INHBC: variants seen among roughly 807,000 people sequenced by gnomAD.
INHBC encodes the protein inhibin beta C chain.
A neutral mutation model predicts 12.4 loss-of-function variants in INHBC; 10 were observed. The observed-to-expected ratio is 0.81, with a 90% CI of 0.50 to 1.37. INHBC has a LOEUF of 1.37. Among genes scored for constraint, INHBC ranks in the 40% most tolerant of loss-of-function variants. The pLI, the probability that INHBC is intolerant of heterozygous loss-of-function variation, is 0.00. For missense variants in INHBC, 382 were observed against 439.4 expected (o/e 0.87, Z 1.17); for synonymous variants, 147 against 171.6 (o/e 0.86, Z 1.12).
At chr12:57,448,984 G>C (rs1320266909) in intron 1 of INHBC, among the ~76,000 whole-genome samples, 1 of 152,114 alleles carries the variant, frequency 6.6e-6, no homozygotes, top group Non-Finnish European at 1.5e-5. Flanking sequence ...GCAAAGAGAG[G>C]GTGGGGCTGA....
chr12:57,435,270 C>T, intron 1 of INHBC, 71 bp downstream of exon 1: 4 of 1,404,624 alleles, frequency 2.8e-6, no homozygotes, highest in Non-Finnish European at 3.9e-6. Flanking sequence ...CCTCGCCAGA[C>T]TTACCTCTGA....
chr12:57,435,276 T>G, intron 1 of INHBC, 77 bp downstream of exon 1: 1 of 1,349,140 alleles, frequency 7.4e-7, no homozygotes, highest in Non-Finnish European at 1.0e-6. Context: ...CAGACTTACC[T>G]CTGACTCCTT....
chr12:57,447,160 G>A (rs1040524613), intron 1 of INHBC, among the ~76,000 whole-genome samples: 1 of 152,066 alleles, frequency 6.6e-6, no homozygotes, highest in Non-Finnish European at 1.5e-5. Flanking sequence ...GGTATAGGGG[G>A]AATGAAGAAA....
chr12:57,438,613 G>A (rs973588627), intron 1 of INHBC, among the ~76,000 whole-genome samples: 4 of 152,184 alleles, frequency 2.6e-5, no homozygotes, highest in African/African-American at 9.7e-5. Flanking sequence ...GCTTGCTAAT[G>A]TCCCATTGAC....
At position 57,449,433 on chromosome 12, in the gene INHBC, C is replaced by G; in HGVS notation, c.470C>G (p.Pro157Arg). The G allele has an allele frequency of 6.2e-7, 1 of 1,614,184 alleles. No homozygotes were observed. The highest frequency in any genetic ancestry group is 8.5e-7 in the Non-Finnish European group (1 of 1,180,036). ...TLKVRVLVLG[P>R]HNTNLTLATQ... ...AAAGTGAGAGTCCTTGTGCTGGGTCCACATAATACCAACCTCACCTTGGCT... is the reference window on the plus strand; with the variant it reads ...AAAGTGAGAGTCCTTGTGCTGGGTCGACATAATACCAACCTCACCTTGGCT... Residue 157 changes from proline to arginine, a missense_variant, in exon 2 of 2, where the codon CCA becomes CGA. Coordinates refer to ENST00000309668, the MANE Select transcript of INHBC (RefSeq NM_005538.4).
intron 1 of INHBC, among the ~76,000 whole-genome samples, chr12:57,445,724 A>G (rs1171011034): frequency 1.1e-5 from 1 of 91,402 alleles, no homozygotes; most frequent in Admixed American, 1.1e-4. Context: ...CCCCCCGCCC[A>G]TCTCCATGTA....
chr12:57,448,100 C>T (rs1555325208), intron 1 of INHBC, among the ~76,000 whole-genome samples: 1 of 151,222 alleles, frequency 6.6e-6, no homozygotes, highest in Non-Finnish European at 1.5e-5. Context: ...GCATGCACTA[C>T]TCCACCCAGC....
At chr12:57,445,290 T>C (rs548918556) in intron 1 of INHBC, among the ~76,000 whole-genome samples, 1 of 152,258 alleles carries the variant, frequency 6.6e-6, no homozygotes, top group South Asian at 2.1e-4. Flanking sequence ...ATAAAACTAA[T>C]CAGATTTATA....
rs1870715806 is a variant in INHBC, at chr12:57,451,713, G to C, written c.*1691G>C. 2.6e-6 allele frequency: 1 copy of C among 382,880 alleles called. No homozygotes were observed. The allele number at this position is 382,880 out of a possible 1,614,324, so 23.7% of individuals were successfully genotyped here. On this transcript the variant is annotated 3_prime_UTR_variant, in exon 2 of 2. Transcript: ENST00000309668. ...TCTGAAAAGGACTGCCTGGGGGACT[G>C]TAAATCTGAGCTTGAGGGCTTCCTG...
chr12:57,437,637 C>G (rs1175906559), intron 1 of INHBC, among the ~76,000 whole-genome samples: 1 of 146,368 alleles, frequency 6.8e-6, no homozygotes, highest in Admixed American at 6.9e-5. Flanking sequence ...CGCCACTGCA[C>G]TCCAGCCTGG....
At chr12:57,446,495 T>G (rs1224202204) in intron 1 of INHBC, among the ~76,000 whole-genome samples, 1 of 149,804 alleles carries the variant, frequency 6.7e-6, no homozygotes, top group Non-Finnish European at 1.5e-5. Flanking sequence ...TTTATTTATT[T>G]ATTTATTTAT....
intron 1 of INHBC, among the ~76,000 whole-genome samples, chr12:57,441,738 G>A (rs968810267): frequency 6.7e-6 from 1 of 149,736 alleles, no homozygotes; most frequent in African/African-American, 2.5e-5. Context: ...CTGGAGTGCA[G>A]TGGCACAGTC....
At chr12:57,440,904 C>T (rs1870449368) in intron 1 of INHBC, among the ~76,000 whole-genome samples, 1 of 152,158 alleles carries the variant, frequency 6.6e-6, no homozygotes, top group African/African-American at 2.4e-5. Context: ...GCCTGCCACT[C>T]ATTCCCGAAG....
chr12:57,436,473 C>CTTTTTTT (rs71084754), intron 1 of INHBC, among the ~76,000 whole-genome samples: 24 of 104,748 alleles, frequency 2.3e-4, no homozygotes, highest in African/African-American at 5.1e-4. Context: ...TTTTCTTTTT[C>CTTTTTTT]TTTTTTTTTT....
At chr12:57,443,960 T>G (rs1227789796) in intron 1 of INHBC, among the ~76,000 whole-genome samples, 1 of 152,056 alleles carries the variant, frequency 6.6e-6, no homozygotes, top group Non-Finnish European at 1.5e-5. Context: ...GGCTAATTTT[T>G]GTATGTTTAG....
chr12:57,446,476 ATTTATTT>A (rs1870580940), intron 1 of INHBC, among the ~76,000 whole-genome samples: 1 of 147,002 alleles, frequency 6.8e-6, no homozygotes, highest in South Asian at 2.1e-4. Context: ...TTATTTATTT[ATTTATTT>A]ATTTATTTAT....
At chr12:57,437,516 A>C (rs1024794656) in intron 1 of INHBC, among the ~76,000 whole-genome samples, 1 of 151,462 alleles carries the variant, frequency 6.6e-6, no homozygotes, top group African/African-American at 2.4e-5. Context: ...AAAAATACAA[A>C]AAAAATTAGC....
intron 1 of INHBC, among the ~76,000 whole-genome samples, chr12:57,446,592 C>G (rs1870584612): frequency 6.6e-6 from 1 of 151,834 alleles, no homozygotes; most frequent in Non-Finnish European, 1.5e-5. Flanking sequence ...CTCCCAGGGT[C>G]AAGCAATCCT....
chr12:57,436,690 G>A (rs1472052724), intron 1 of INHBC, among the ~76,000 whole-genome samples: 2 of 148,834 alleles, frequency 1.3e-5, no homozygotes, highest in Non-Finnish European at 3.0e-5. Context: ...TTTTTGAAAT[G>A]GAGTCTCGCT....
Sources: gnomAD v4.1 joint callset for allele counts (sites outside exome capture counted in the v4.1 genomes callset) on GRCh38, gnomAD v4.1.1 for gene constraint, MANE v1.5 for transcripts, NCBI Gene and HGNC (gene_info 2026-07-23, HGNC 2026-07-21) for gene names.